The following PAM variants were observed in gnomAD, a reference collection of about 807,000 sequenced individuals.
The protein encoded by PAM is peptidyl-glycine alpha-amidating monooxygenase.
PAM carries 72 observed loss-of-function variants against 122.1 expected under a neutral mutation model. The ratio of observed to expected loss-of-function variants is 0.59; its 90% CI spans 0.49 to 0.72. The LOEUF is 0.72. PAM is among the 30% of genes least tolerant of loss of function. The pLI, the probability that PAM is intolerant of heterozygous loss-of-function variation, is 0.00. For missense variants in PAM, 1,106 were observed against 1,183.7 expected, an observed-to-expected ratio of 0.93 and a Z score of 0.96; for synonymous variants, 389 against 404.4, an observed-to-expected ratio of 0.96 and a Z score of 0.46.
chr5:102,773,418 TACTCA>T lies in PAM; in HGVS notation c.-374+18075_-374+18079del, dbSNP rs144057070. ...GGCCACATGTGATCTCTGTTGCAACTACTCAACTCTTTTCTTATAGCACAAAAGCA... is the reference window on the plus strand; with the variant it reads ...GGCCACATGTGATCTCTGTTGCAACTACTCTTTTCTTATAGCACAAAAGCA... On this transcript the variant is annotated intron_variant, in intron 1 of 25. Transcript: ENST00000438793. 1.4e-3 allele frequency among the ~76,000 whole-genome samples: 212 copies of T among 152,248 alleles called. 2 individuals carry two copies. The highest frequency in any genetic ancestry group is 5.0e-3 in the African/African-American group (206 of 41,572).
At chr5:102,996,015 C>T (rs1420306440) in intron 16 of PAM, among the ~76,000 whole-genome samples, 1 of 151,910 alleles carries the variant, frequency 6.6e-6, no homozygotes, top group East Asian at 1.9e-4. Flanking sequence ...CCTTCAGTTG[C>T]TGTTATTTAA....
Position 102,950,860 on chromosome 5 carries a change from T to C in PAM, c.905+40T>C, listed in dbSNP as rs1183151312. 2.5e-6 allele frequency: 3 copies of C among 1,209,018 alleles called. No homozygotes were observed. The African/African-American group carries it at 4.5e-5, about 18-fold the overall frequency. The allele number at this position is 1,209,018 out of a possible 1,614,324, so 74.9% of individuals were successfully genotyped here. On this transcript the variant is annotated intron_variant, in intron 12 of 25. Transcript: ENST00000438793. ...ATTCCACTATTTAAAGATATTTTAT[T>C]GGGATAAGGCATGATTACAGGTGAC... is the stretch of plus-strand genomic sequence containing the variant.
chr5:102,927,875 T>C (rs966867746), intron 7 of PAM, among the ~76,000 whole-genome samples: 1 of 151,946 alleles, frequency 6.6e-6, no homozygotes, highest in African/African-American at 2.4e-5. Flanking sequence ...ACAAATAACT[T>C]TTCATTTTTT....
At chr5:102,766,482 A>G (rs2149715260) in intron 1 of PAM, among the ~76,000 whole-genome samples, 1 of 152,270 alleles carries the variant, frequency 6.6e-6, no homozygotes, top group African/African-American at 2.4e-5. Flanking sequence ...CAGGAGGTGG[A>G]GCTCAGGTGA....
At position 103,028,881 on chromosome 5, in the gene PAM, T is replaced by C; in HGVS notation, c.2744-6T>C. The C allele has an allele frequency of 3.1e-6, 5 of 1,593,966 alleles. No homozygotes were observed. In the South Asian group the frequency reaches 4.6e-5, roughly 15 times the overall value. On this transcript the variant is annotated splice_polypyrimidine_tract_variant and splice_region_variant and intron_variant, in intron 25 of 25. Coordinates refer to ENST00000438793, the MANE Select transcript of PAM (RefSeq NM_001177306.2). ...CCCAATTCTGTTATTGTTTGCTTTTTTTCAGGAAAGGGAAGTGGAGGCTTA... is the reference window on the plus strand; with the variant it reads ...CCCAATTCTGTTATTGTTTGCTTTTCTTCAGGAAAGGGAAGTGGAGGCTTA...
At chr5:102,984,964 A>G (rs1432300055) in intron 15 of PAM, among the ~76,000 whole-genome samples, 1 of 152,136 alleles carries the variant, frequency 6.6e-6, no homozygotes, top group Non-Finnish European at 1.5e-5. Context: ...AAAGTAAACA[A>G]AATGCTCATG....
intron 14 of PAM, 94 bp from the exon 15 acceptor site, chr5:102,974,022 A>G (rs1582400700): frequency 1.3e-6 from 1 of 758,044 alleles, no homozygotes; most frequent in Non-Finnish European, 2.1e-6. Context: ...ATTTATTATG[A>G]GAAATGAGTA....
intron 21 of PAM, among the ~76,000 whole-genome samples, chr5:103,011,010 A>G (rs1377996232): frequency 6.6e-6 from 1 of 152,214 alleles, no homozygotes; most frequent in African/African-American, 2.4e-5. Flanking sequence ...GTGCTATCAA[A>G]TACTAGGTCT....
At position 102,867,337 on chromosome 5, in the gene PAM, A is replaced by C; in HGVS notation, c.154A>C (p.Ile52Leu). The change falls in exon 3 of 26, where the codon ATT becomes CTT. Residue 52 changes from isoleucine (I) to leucine (L), a missense_variant. By Grantham distance (5) the Ile-to-Leu change is conservative. Transcript: ENST00000438793. The stretch of plus-strand genomic sequence containing the variant: ...TGGTACCACCAGACCCGTAGTTCCT[A>C]TTGATTCATCAGATTTTGCATTGGA... ...CLGTTRPVVP[I>L]DSSDFALDIR... The C allele has an allele frequency of 6.2e-7, 1 of 1,605,738 alleles. No homozygotes were observed. Among genetic ancestry groups the C allele is most frequent in the Non-Finnish European group, 8.5e-7 (1 of 1,172,534 alleles).
At chr5:102,774,428 G>A (rs1327516879) in intron 1 of PAM, among the ~76,000 whole-genome samples, 5 of 152,034 alleles carry the variant, frequency 3.3e-5, no homozygotes, top group Non-Finnish European at 5.9e-5. Context: ...CCTTGCCTTC[G>A]AATGTGACCT....
At chr5:102,867,193 G>T in intron 2 of PAM, 80 bp from the exon 3 acceptor site, 1 of 939,508 alleles carries the variant, frequency 1.1e-6, no homozygotes, top group Non-Finnish European at 1.7e-6. Context: ...TAAGGTCATA[G>T]AATTCCTTTC....
intron 4 of PAM, among the ~76,000 whole-genome samples, chr5:102,906,392 A>G (rs1799562702): frequency 1.3e-5 from 2 of 151,696 alleles, no homozygotes; most frequent in South Asian, 2.1e-4. Context: ...AAGGTATGCA[A>G]AATTTCATCT....
intron 12 of PAM, among the ~76,000 whole-genome samples, chr5:102,953,497 T>A (rs909623153): frequency 2.6e-5 from 4 of 152,080 alleles, no homozygotes; most frequent in African/African-American, 9.7e-5. Flanking sequence ...CACTTATATG[T>A]GGAGTCTAAA....
intron 7 of PAM, among the ~76,000 whole-genome samples, chr5:102,927,811 CCTAA>C (rs1224855696): frequency 6.7e-6 from 1 of 149,750 alleles, no homozygotes; most frequent in Non-Finnish European, 1.5e-5. Flanking sequence ...AGCCTATGAA[CCTAA>C]CTTAGAAATA....
At chr5:102,798,777 G>GA (rs1438169894) in intron 1 of PAM, among the ~76,000 whole-genome samples, 2 of 151,998 alleles carry the variant, frequency 1.3e-5, no homozygotes, top group Admixed American at 6.6e-5. Context: ...CCCTCTCACA[G>GA]AAAAAAGATA....
At chr5:102,996,337 G>C (rs1329061808) in intron 16 of PAM, among the ~76,000 whole-genome samples, 1 of 152,190 alleles carries the variant, frequency 6.6e-6, no homozygotes, top group Non-Finnish European at 1.5e-5. Flanking sequence ...AAAGTTAAAT[G>C]TAGTTGAAAT....
At chr5:103,019,411 TA>T (rs1183629316) in intron 22 of PAM, among the ~76,000 whole-genome samples, 11 of 152,180 alleles carry the variant, frequency 7.2e-5, no homozygotes, top group Non-Finnish European at 1.6e-4. Context: ...TCCTTGTAGT[TA>T]ACTGGTCAAA....
chr5:102,756,791 A>T (rs1386292527), intron 1 of PAM, among the ~76,000 whole-genome samples: 1 of 152,072 alleles, frequency 6.6e-6, no homozygotes, highest in Non-Finnish European at 1.5e-5. Context: ...TTTAGAATTG[A>T]TATTAAATGG....
At chr5:102,782,731 G>C (rs866522489) in intron 1 of PAM, among the ~76,000 whole-genome samples, 2,369 of 144,024 alleles carry the variant, frequency 0.016, 25 homozygotes, top group Non-Finnish European at 0.024. Context: ...CTCTCTGTGT[G>C]TGTGTGTGTG....
Sources: gnomAD v4.1 joint callset for allele counts (sites outside exome capture counted in the v4.1 genomes callset) on GRCh38, gnomAD v4.1.1 for gene constraint, MANE v1.5 for transcripts, NCBI Gene and HGNC (gene_info 2026-07-23, HGNC 2026-07-21) for gene names.